TXLNG: variants seen among roughly 807,000 people sequenced by gnomAD.
The protein encoded by TXLNG is taxilin gamma.
Under a neutral mutation model 38.8 loss-of-function variants are expected in TXLNG, and 5 were observed. That is an observed-to-expected ratio of 0.13 (90% CI 0.07 to 0.27). The LOEUF is 0.27. Ranked by LOEUF, TXLNG falls within the 10% of genes least tolerant of loss-of-function variation. The pLI is 1.00. For missense variants in TXLNG, 393 were observed against 398.2 expected, an observed-to-expected ratio of 0.99 and a Z score of 0.11; for synonymous variants, 182 against 158.2, an observed-to-expected ratio of 1.15 and a Z score of -1.13.
intron 7 of TXLNG, among the ~76,000 whole-genome samples, chrX:16,836,447 C>T (rs1358103361): frequency 8.9e-6 from 1 of 112,566 alleles, no homozygotes; most frequent in Non-Finnish European, 1.9e-5. Context: ...TGTCCTCATC[C>T]CAGGCCAGGC....
At chrX:16,829,991 A>AC in intron 5 of TXLNG, among the ~76,000 whole-genome samples, 1 of 110,799 alleles carries the variant, frequency 9.0e-6, no homozygotes, top group Non-Finnish European at 1.9e-5. Context: ...TTTCTAGGAG[A>AC]CCCGTTTAAG....
chrX:16,819,287 CTCTTAAAGG>C (rs753319471), intron 2 of TXLNG, among the ~76,000 whole-genome samples: 2 of 110,600 alleles, frequency 1.8e-5, no homozygotes, highest in Non-Finnish European at 3.8e-5. Flanking sequence ...GTTTAATCGT[CTCTTAAAGG>C]TCTTATTGGC....
chrX:16,824,644 C>T (rs1456998142), intron 3 of TXLNG, among the ~76,000 whole-genome samples: 1 of 109,873 alleles, frequency 9.1e-6, no homozygotes, highest in Non-Finnish European at 1.9e-5. Flanking sequence ...GATGGCCAAG[C>T]GCGGTGGCTC....
At chrX:16,825,024 AC>A (rs1929120925) in intron 3 of TXLNG, among the ~76,000 whole-genome samples, 1 of 111,933 alleles carries the variant, frequency 8.9e-6, no homozygotes, top group Admixed American at 9.5e-5. Context: ...TATCTAAAGA[AC>A]ACTAATGTGA....
In TXLNG at chrX:16,843,890, A is replaced by T. The variant is rs1929976934; in HGVS notation, c.*2124A>T. The T allele has an allele frequency of 1.8e-5, 2 of 111,750 alleles. No individual in the cohort carries two copies. The highest frequency in any genetic ancestry group is 3.8e-5 in the Non-Finnish European group (2 of 53,206). The allele number at this position is 111,750 out of a possible 1,213,427, so 9.2% of individuals were successfully genotyped here. A position where few individuals can be genotyped will look rare whatever the true frequency, so the allele number is the denominator to read the frequency against. On this transcript the variant is annotated 3_prime_UTR_variant, in exon 10 of 10. Transcript: ENST00000380122. ...GAACCCTTCCTCCCATTACCCTGTGAATAAAAACAAATGGGACCCCCTGAG... is the reference window on the plus strand; with the variant it reads ...GAACCCTTCCTCCCATTACCCTGTGTATAAAAACAAATGGGACCCCCTGAG...
intron 7 of TXLNG, among the ~76,000 whole-genome samples, chrX:16,835,367 C>T (rs1025869764): frequency 7.2e-5 from 8 of 111,249 alleles, no homozygotes; most frequent in African/African-American, 2.6e-4. Flanking sequence ...ATAAAGCTAG[C>T]CTAACTTAGA....
At chrX:16,786,719 C>G in intron 1 of TXLNG, 130 bp downstream of exon 1, 2 of 42,184 alleles carry the variant, frequency 4.7e-5, no homozygotes, top group Non-Finnish European at 7.7e-5. Context: ...TCTTCCCTCC[C>G]GGGGGTGACG....
intron 1 of TXLNG, among the ~76,000 whole-genome samples, chrX:16,797,605 T>G (rs930636108): frequency 8.9e-6 from 1 of 112,602 alleles, no homozygotes. Flanking sequence ...ACATGGGTCT[T>G]TCTGTAAGCA....
At position 16,841,580 on chromosome X, in the gene TXLNG, G is replaced by A. The variant is rs1316295405; in HGVS notation, c.1401G>A (p.Ala467=). The A allele has an allele frequency of 3.3e-6, 4 of 1,209,626 alleles. No homozygotes were observed. The East Asian group carries it at 8.9e-5, about 27-fold the overall frequency. Residue 467 remains alanine (A), a synonymous_variant, in exon 10 of 10, where the codon GCG becomes GCA. Coordinates refer to ENST00000380122, the MANE Select transcript of TXLNG (RefSeq NM_018360.3). ...TATCCATCAAAGCGGCCATCAAAGC[G>A]GCGAACAGGGATTTAGCAACACCTG... The part of the protein sequence containing the change: ...EQVSIKAAIK[A]ANRDLATPVM...
intron 9 of TXLNG, among the ~76,000 whole-genome samples, chrX:16,841,193 CAAA>C (rs200825105): frequency 1.0e-5 from 1 of 98,521 alleles, no homozygotes; most frequent in African/African-American, 3.7e-5. Context: ...GACTCTGTCT[CAAA>C]AAAAAAAAAA....
At chrX:16,840,313 G>A (rs1053100900) in intron 9 of TXLNG, 1 of 301,517 alleles carries the variant, frequency 3.3e-6, no homozygotes, top group African/African-American at 2.9e-5. Flanking sequence ...TGGGGGCGGA[G>A]GCAGATAATC....
intron 1 of TXLNG, among the ~76,000 whole-genome samples, chrX:16,811,999 T>C (rs769667921): frequency 1.8e-5 from 2 of 109,229 alleles, no homozygotes; most frequent in East Asian, 5.8e-4. Flanking sequence ...CTGTATACTT[T>C]TTTTTCTTTC....
chrX:16,815,552 C>T (rs187703341), intron 1 of TXLNG, among the ~76,000 whole-genome samples: 1 of 106,535 alleles, frequency 9.4e-6, no homozygotes, highest in African/African-American at 3.4e-5. Flanking sequence ...GACGGAGTCT[C>T]GCTCTGTCAC....
Position 16,830,919 on chromosome X carries a change from T to A in TXLNG, c.864+1149T>A, listed in dbSNP as rs371795292. On this transcript the variant is annotated intron_variant, in intron 5 of 9. Coordinates refer to ENST00000380122, the MANE Select transcript of TXLNG (RefSeq NM_018360.3). ...CAGTTTCTTGCTAAATTGCCCAGGCTGGTCTTGAACTCCTGGGCTCAGGTG... is the reference window on the plus strand; with the variant it reads ...CAGTTTCTTGCTAAATTGCCCAGGCAGGTCTTGAACTCCTGGGCTCAGGTG... 1.4e-4 allele frequency among the ~76,000 whole-genome samples: 12 copies of A among 88,268 alleles called. No homozygotes were observed. The East Asian group carries it at 3.9e-3, about 29-fold the overall frequency. The allele number at this position is 88,268 out of a possible 115,157, so 76.7% of individuals were successfully genotyped here.
At chrX:16,821,339 C>G (rs1928949888) in intron 3 of TXLNG, among the ~76,000 whole-genome samples, 1 of 109,222 alleles carries the variant, frequency 9.2e-6, no homozygotes, top group South Asian at 4.0e-4. Flanking sequence ...ATGGGTTTCA[C>G]CGTGTTAGCC....
intron 1 of TXLNG, among the ~76,000 whole-genome samples, chrX:16,799,595 A>AC (rs746260013): frequency 9.0e-6 from 1 of 110,526 alleles, no homozygotes; most frequent in East Asian, 2.9e-4. Context: ...ACATGGTGAA[A>AC]CCCCATCTCC....
At position 16,832,645 on chromosome X, in the gene TXLNG, A is replaced by T; in HGVS notation, c.887A>T (p.His296Leu). 1 of 1,211,473 alleles carries T rather than the reference A, an allele frequency of 8.3e-7. No homozygotes were observed. Among genetic ancestry groups the T allele is most frequent in the Non-Finnish European group, 1.1e-6 (1 of 895,371 alleles). The stretch of plus-strand genomic sequence containing the variant: ...TAGCACATTGATAAGGTGTTCAAAC[A>T]TAAGGAACTGCAACAGCAGCTCGTG... Reference protein sequence around the residue: ...REEHIDKVFKHKELQQQLVDA... With the variant: ...REEHIDKVFKLKELQQQLVDA... Residue 296 changes from histidine to leucine, a missense_variant, in exon 6 of 10, where the codon CAT becomes CTT. By Grantham distance (99) the His-to-Leu change is moderately conservative (BLOSUM62 -3). Transcript: ENST00000380122.
intron 1 of TXLNG, among the ~76,000 whole-genome samples, chrX:16,805,268 C>A (rs947013782): frequency 1.8e-5 from 2 of 108,733 alleles, no homozygotes; most frequent in African/African-American, 6.7e-5. Flanking sequence ...CAGGCGTGAG[C>A]CACCGCACCC....
chrX:16,795,395 A>G (rs1215954580), intron 1 of TXLNG, among the ~76,000 whole-genome samples: 1 of 112,912 alleles, frequency 8.9e-6, no homozygotes, highest in Non-Finnish European at 1.9e-5. Context: ...TACACAGTCT[A>G]ATATAGATGT....
Sources: allele counts gnomAD v4.1 joint callset (sites outside exome capture counted in the v4.1 genomes callset), GRCh38; gene constraint gnomAD v4.1.1; transcripts MANE v1.5; gene names NCBI Gene and HGNC (gene_info 2026-07-23, HGNC 2026-07-21).